The following ELFN1 variants were observed in gnomAD, a reference collection of about 807,000 sequenced individuals.
The protein encoded by ELFN1 is extracellular leucine rich repeat and fibronectin type III domain containing 1.
Under a neutral mutation model 7.6 loss-of-function variants are expected in ELFN1, and 6 were observed. The observed-to-expected ratio is 0.79, with a 90% CI of 0.43 to 1.56. ELFN1 has a LOEUF of 1.56. Among genes scored for constraint, ELFN1 ranks in the 40% most tolerant of loss-of-function variants. The pLI is 0.01. For synonymous variants in ELFN1, 657 were observed against 588.1 expected (o/e 1.12, Z -1.70); for missense variants, 1,169 against 1,232.2 (o/e 0.95, Z 0.77).
At chr7:1,724,087 G>A (rs60861404) in intron 3 of ELFN1, among the ~76,000 whole-genome samples, 4,764 of 152,338 alleles carry the variant, frequency 0.031, 265 homozygotes, top group African/African-American at 0.11. Flanking sequence ...GCAAGTTCAC[G>A]AACATGTCTG....
intron 3 of ELFN1, among the ~76,000 whole-genome samples, chr7:1,725,376 C>T (rs551673779): frequency 7.8e-4 from 118 of 151,642 alleles, no homozygotes; most frequent in African/African-American, 2.7e-3. Flanking sequence ...CGGGACAGGG[C>T]GCAGGCGAGG....
intron 3 of ELFN1, among the ~76,000 whole-genome samples, chr7:1,710,269 A>G (rs1779621711): frequency 6.6e-6 from 1 of 152,226 alleles, no homozygotes; most frequent in African/African-American, 2.4e-5. Context: ...CCTTCATTAC[A>G]TGGGGGGACA....
At chr7:1,687,151 G>C (rs1347426114) in intron 1 of ELFN1, among the ~76,000 whole-genome samples, 4 of 152,168 alleles carry the variant, frequency 2.6e-5, no homozygotes, top group Admixed American at 1.3e-4. Flanking sequence ...AGATGGGAGA[G>C]CTTCAGGTAA....
rs1248885643 is a variant in ELFN1, at chr7:1,695,123, G to A, written c.-456+6973G>A. 6.6e-6 allele frequency among the ~76,000 whole-genome samples: 1 copy of A among 152,348 alleles called. No individual in the cohort carries two copies. Among genetic ancestry groups the A allele is most frequent in the African/African-American group, 2.4e-5 (1 of 41,590 alleles). ...GCCAGGCAGCAGACGTGGCCGACAG[G>A]CACATGGTGGGACCTGCTCTGTGGC... On this transcript the variant is annotated intron_variant, in intron 2 of 3. Transcript: ENST00000424383. The surrounding 1 kb of genome is among the most constrained non-coding windows in gnomAD (Gnocchi z 5.1).
chr7:1,719,767 G>A (rs1779960265), intron 3 of ELFN1, among the ~76,000 whole-genome samples: 1 of 152,216 alleles, frequency 6.6e-6, no homozygotes, highest in South Asian at 2.1e-4. Flanking sequence ...ATGGCTAGGA[G>A]GTGGGGGGCC....
chr7:1,690,035 G>A (rs1287009568), intron 2 of ELFN1, among the ~76,000 whole-genome samples: 1 of 152,218 alleles, frequency 6.6e-6, no homozygotes, highest in Non-Finnish European at 1.5e-5. Context: ...CTTGACATAT[G>A]CATCATCAGA....
chr7:1,741,847 C>T (rs566090661), intron 3 of ELFN1, among the ~76,000 whole-genome samples: 4 of 152,320 alleles, frequency 2.6e-5, no homozygotes, highest in Non-Finnish European at 4.4e-5. Context: ...CCCCAGGCCT[C>T]GCTGCCCAGA....
intron 2 of ELFN1, among the ~76,000 whole-genome samples, chr7:1,697,432 C>T (rs1356288150): frequency 6.6e-6 from 1 of 152,210 alleles, no homozygotes; most frequent in African/African-American, 2.4e-5. Context: ...ACTCCCTGCT[C>T]TGTGGGTAGG....
chr7:1,746,782 G>T lies in ELFN1; in HGVS notation c.2186G>T (p.Gly729Val). The T allele has an allele frequency of 1.3e-6, 2 of 1,525,462 alleles. No homozygotes were observed. Among genetic ancestry groups the T allele is most frequent in the South Asian group, 1.2e-5 (1 of 81,868 alleles). 94.5% of individuals were successfully genotyped at this position (1,525,462 alleles called of 1,614,324 possible). ...PGPPPPPPHE[G>V]LGRKASILEP... ...CCACCGCCGCCGCCTCCGCACGAGGGCCTGGGGCGCAAGGCGTCCATCCTG... is the reference window on the plus strand; with the variant it reads ...CCACCGCCGCCGCCTCCGCACGAGGTCCTGGGGCGCAAGGCGTCCATCCTG... The change falls in exon 4 of 4, where the codon GGC becomes GTC. Residue 729 changes from glycine to valine, a missense_variant. By Grantham distance (109) the Gly-to-Val change is moderately radical (BLOSUM62 -3). Transcript: ENST00000424383.
intron 1 of ELFN1, among the ~76,000 whole-genome samples, chr7:1,672,916 A>G (rs1583303850): frequency 1.3e-5 from 2 of 150,532 alleles, no homozygotes; most frequent in African/African-American, 4.9e-5. Context: ...TAAATACACG[A>G]GGGGGCCGGT....
chr7:1,685,224 A>G (rs1262889506), intron 1 of ELFN1, among the ~76,000 whole-genome samples: 1 of 152,062 alleles, frequency 6.6e-6, no homozygotes, highest in African/African-American at 2.4e-5. Context: ...ACTGTGAATC[A>G]ATTTTCTCCT....
chr7:1,682,818 C>T (rs1778996308), intron 1 of ELFN1, among the ~76,000 whole-genome samples: 1 of 152,142 alleles, frequency 6.6e-6, no homozygotes. Context: ...TTCAGTCTTT[C>T]ACCATATGAT....
At chr7:1,666,925 G>A (rs1170850497), upstream of ELFN1, among the ~76,000 whole-genome samples, 2 of 151,868 alleles carry the variant, frequency 1.3e-5, no homozygotes, top group Non-Finnish European at 2.9e-5. This position sits in a 1 kb window ranked among gnomAD's most constrained non-coding sequence, Gnocchi z 7.9. Flanking sequence ...ACCCGCTCGC[G>A]GCTATTAATA....
chr7:1,744,767 G>A lies in ELFN1; in HGVS notation c.171G>A (p.Gln57=), dbSNP rs1353308394. 1.3e-6 allele frequency: 2 copies of A among 1,554,934 alleles called. No homozygotes were observed. Among genetic ancestry groups the A allele is most frequent in the South Asian group, 1.2e-5 (1 of 84,228 alleles). Residue 57 remains glutamine, a synonymous_variant, in exon 4 of 4, where the codon CAG becomes CAA. Transcript: ENST00000424383. ...NQPPYEAIPQ[Q]INSTIVDLRL... ...CCCCCTACGAGGCCATCCCACAGCA[G>A]ATCAACAGCACCATCGTGGACCTGC...
intron 3 of ELFN1, among the ~76,000 whole-genome samples, chr7:1,728,892 G>T (rs1011884967): frequency 2.0e-5 from 3 of 152,050 alleles, no homozygotes; most frequent in Non-Finnish European, 4.4e-5. Context: ...TCACTGTCGT[G>T]ATGGTCCTGT....
chr7:1,666,758 G>A (rs896494931), upstream of ELFN1, among the ~76,000 whole-genome samples: 7 of 151,804 alleles, frequency 4.6e-5, no homozygotes, highest in Non-Finnish European at 8.8e-5. The surrounding 1 kb of genome is among the most constrained non-coding windows in gnomAD (Gnocchi z 7.9). Flanking sequence ...TGGGGAGGGA[G>A]TGGGCTGTGG....
chr7:1,720,098 T>C (rs184567829), intron 3 of ELFN1, among the ~76,000 whole-genome samples: 7 of 152,300 alleles, frequency 4.6e-5, no homozygotes, highest in Admixed American at 1.3e-4. Flanking sequence ...GCTGACAGCA[T>C]TCTGGCACAG....
rs180784525 is a variant in ELFN1, at chr7:1,735,229, A to T, written c.-293-9075A>T. Among the ~76,000 whole-genome samples, 44 of 152,218 alleles carry T rather than the reference A, an allele frequency of 2.9e-4. No homozygotes were observed. Among genetic ancestry groups the T allele is most frequent in the African/African-American group, 1.0e-3 (42 of 41,540 alleles). On this transcript the variant is annotated intron_variant, in intron 3 of 3. Coordinates refer to ENST00000424383, the MANE Select transcript of ELFN1 (RefSeq NM_001128636.4). This position sits in a 1 kb window ranked among gnomAD's most constrained non-coding sequence, Gnocchi z 5.9. ...GGAAACAGGAGCTTTTCTCTGTTGC[A>T]CACTTGTAGGGTGTTCCTGCTCTTG...
intron 2 of ELFN1, among the ~76,000 whole-genome samples, chr7:1,708,197 G>T (rs1169685682): frequency 1.3e-5 from 2 of 152,232 alleles, no homozygotes; most frequent in African/African-American, 4.8e-5. Context: ...GTGCGACCCT[G>T]GCAGGACGAC....
Sources: gnomAD v4.1 joint callset for allele counts (sites outside exome capture counted in the v4.1 genomes callset) on GRCh38, gnomAD v4.1.1 for gene constraint, Gnocchi (gnomAD v3.1) non-coding constraint, MANE v1.5 for transcripts, NCBI Gene and HGNC (gene_info 2026-07-23, HGNC 2026-07-21) for gene names.